Variants in SYN3 observed in about 807,000 individuals in gnomAD.
The protein encoded by SYN3 is synapsin III.
In SYN3, 35 loss-of-function variants were observed where a neutral mutation model predicts 65.8. The observed-to-expected ratio is 0.53, with a 90% confidence interval of 0.41 to 0.70. The LOEUF (loss-of-function observed/expected upper bound fraction) is 0.70. Ranked by LOEUF, SYN3 falls within the 30% of genes least tolerant of loss-of-function variation. SYN3 has a pLI of 0.00. For missense variants in SYN3, 680 were observed against 749.0 expected, an observed-to-expected ratio of 0.91 and a Z score of 1.08; for synonymous variants, 270 against 292.9, an observed-to-expected ratio of 0.92 and a Z score of 0.80.
intron 1 of SYN3, among the ~76,000 whole-genome samples, chr22:33,009,172 G>C (rs1368952886): frequency 6.6e-6 from 1 of 151,980 alleles, no homozygotes; most frequent in Non-Finnish European, 1.5e-5. Flanking sequence ...TGGGTCATGG[G>C]GTAAGTGTAT....
intron 1 of SYN3, among the ~76,000 whole-genome samples, chr22:33,046,092 T>TA (rs758026806): frequency 2.0e-5 from 3 of 151,640 alleles, no homozygotes; most frequent in Non-Finnish European, 4.4e-5. Flanking sequence ...CTTGAAAAGA[T>TA]ATTCAACATA....
rs905626216 is a variant in SYN3 at position 32,802,146 on chromosome 22, C to T, written c.711+62769G>A. On this transcript the variant is annotated intron_variant, in intron 6 of 13. Coordinates refer to ENST00000358763, the MANE Select transcript of SYN3 (RefSeq NM_003490.4). ...CGGTAAGCGCTCCTGGTGCCCCGCC[C>T]GAGCCCCACGCTGCAGCCAGGACTG... is the stretch of plus-strand genomic sequence containing the variant. 1.7e-5 allele frequency: 26 copies of T among 1,570,802 alleles called. No individual in the cohort carries two copies. In the Admixed American group the frequency reaches 2.5e-4, roughly 15 times the overall value.
Position 32,950,373 on chromosome 22 carries a change from C to T in SYN3, c.370-18892G>A, listed in dbSNP as rs143743879. On this transcript the variant is annotated intron_variant, in intron 3 of 13. Coordinates refer to ENST00000358763, the MANE Select transcript of SYN3 (RefSeq NM_003490.4). ...ATTTGCTAGTGGGCAGGGTCATGGC[C>T]GGGGGTGATTCTGGCCTCCACATTC... Among the ~76,000 whole-genome samples the T allele has an allele frequency of 2.6e-3, 395 of 152,150 alleles. 2 individuals are homozygous for T. The highest frequency in any genetic ancestry group is 0.01 in the Middle Eastern group (3 of 294).
At chr22:33,043,075 A>G (rs770817550) in intron 1 of SYN3, among the ~76,000 whole-genome samples, 1 of 152,264 alleles carries the variant, frequency 6.6e-6, no homozygotes, top group African/African-American at 2.4e-5. Context: ...AAAAATCTTT[A>G]GAACATAAAA....
intron 6 of SYN3, among the ~76,000 whole-genome samples, chr22:32,730,048 C>T (rs1226587681): frequency 6.6e-6 from 1 of 152,174 alleles, no homozygotes; most frequent in African/African-American, 2.4e-5. Flanking sequence ...TTCATGAGGG[C>T]AATGTGCAGA....
intron 1 of SYN3, among the ~76,000 whole-genome samples, chr22:33,013,987 C>G (rs915673157): frequency 1.3e-5 from 2 of 151,580 alleles, no homozygotes; most frequent in African/African-American, 4.9e-5. Context: ...TCACTGCAGC[C>G]TCAACCTCCC....
intron 6 of SYN3, among the ~76,000 whole-genome samples, chr22:32,750,568 G>A (rs1216412090): frequency 6.6e-6 from 1 of 152,078 alleles, no homozygotes. Flanking sequence ...TTGTGGGATG[G>A]GGCCACTGGA....
At chr22:32,879,777 G>C (rs946893955) in intron 4 of SYN3, among the ~76,000 whole-genome samples, 1 of 152,216 alleles carries the variant, frequency 6.6e-6, no homozygotes, top group Non-Finnish European at 1.5e-5. Flanking sequence ...GTACTCAAGG[G>C]ATCCACATGG....
At chr22:32,868,320 G>A (rs1327507332) in intron 5 of SYN3, among the ~76,000 whole-genome samples, 1 of 150,344 alleles carries the variant, frequency 6.7e-6, no homozygotes, top group African/African-American at 2.4e-5. Flanking sequence ...TATTGTCACT[G>A]TATTATATAT....
rs1386455549 is a variant in SYN3 at position 32,814,337 on chromosome 22, AAGAGAAAGAAAG to A, written c.711+50566_711+50577del. Among the ~76,000 whole-genome samples, 4 of 25,910 alleles carry A rather than the reference AAGAGAAAGAAAG, an allele frequency of 1.5e-4. No individual in the cohort carries two copies. The East Asian group carries it at 6.3e-3, about 41-fold the overall frequency. 17.0% of individuals were successfully genotyped at this position (25,910 alleles called of 152,430 possible). On this transcript the variant is annotated intron_variant, in intron 6 of 13. Transcript: ENST00000358763. ...AGAGACAGAAAGAAAGAAAGAAAGA[AAGAGAAAGAAAG>A]AGAGAAAGAAAGAAAGAAAGAAAGA...
At chr22:32,699,939 G>A (rs1421427136) in intron 6 of SYN3, among the ~76,000 whole-genome samples, 4 of 152,092 alleles carry the variant, frequency 2.6e-5, no homozygotes, top group African/African-American at 7.2e-5. Flanking sequence ...TGAGGTCATC[G>A]AATCCAATCT....
chr22:32,875,047 C>A (rs558960807), intron 4 of SYN3, among the ~76,000 whole-genome samples: 1 of 152,308 alleles, frequency 6.6e-6, no homozygotes, highest in East Asian at 1.9e-4. Flanking sequence ...GGGTTTGAAT[C>A]GCCCATATGG....
In SYN3 at chr22:32,638,913, T is replaced by C. The variant is rs115293757; in HGVS notation, c.712-42177A>G. On this transcript the variant is annotated intron_variant, in intron 6 of 13. Transcript: ENST00000358763. ...CAAGGCCTGTGTTTAGAATGGTGTT[T>C]CCTAGGTTTTCTTCTAGGATCATAT... Among the ~76,000 whole-genome samples the C allele has an allele frequency of 5.6e-3, 847 of 152,282 alleles. 6 individuals carry two copies. Among genetic ancestry groups the C allele is most frequent in the African/African-American group, 0.019 (785 of 41,566 alleles).
intron 13 of SYN3, among the ~76,000 whole-genome samples, chr22:32,517,250 G>A (rs576340410): frequency 1.3e-5 from 2 of 152,294 alleles, no homozygotes; most frequent in South Asian, 4.1e-4. Flanking sequence ...TAACTCCCAA[G>A]GCTGGGCCTC....
At chr22:32,992,218 C>T (rs2052737496) in intron 2 of SYN3, among the ~76,000 whole-genome samples, 1 of 152,224 alleles carries the variant, frequency 6.6e-6, no homozygotes, top group African/African-American at 2.4e-5. Flanking sequence ...GACTTCAGGG[C>T]CGAGCCTCCC....
chr22:32,710,092 C>T (rs763599640), intron 6 of SYN3, among the ~76,000 whole-genome samples: 16 of 96,410 alleles, frequency 1.7e-4, no homozygotes, highest in African/African-American at 7.6e-4. Context: ...CACACACACA[C>T]ACACACATGT....
At chr22:33,028,370 C>G (rs750881552) in intron 1 of SYN3, among the ~76,000 whole-genome samples, 1 of 152,216 alleles carries the variant, frequency 6.6e-6, no homozygotes, top group Non-Finnish European at 1.5e-5. Context: ...AATGCTAATG[C>G]GCACCAGCTT....
rs141651943 is a variant in SYN3 at position 32,993,905 on chromosome 22, T to C, written c.311+12447A>G. 2.5e-3 allele frequency among the ~76,000 whole-genome samples: 386 copies of C among 152,164 alleles called. 3 individuals carry two copies. The highest frequency in any genetic ancestry group is 0.014 in the Middle Eastern group (4 of 294). ...TAGGAAGAAACAGCACCCATCAGAT[T>C]TCTCCCCACACTCTCTTCTGCTCAA... is the stretch of plus-strand genomic sequence containing the variant. On this transcript the variant is annotated intron_variant, in intron 2 of 13. Transcript: ENST00000358763.
At chr22:32,666,523 T>C (rs901916120) in intron 6 of SYN3, among the ~76,000 whole-genome samples, 135 of 152,250 alleles carry the variant, frequency 8.9e-4, no homozygotes, top group African/African-American at 3.0e-3. Flanking sequence ...GCCCTCTCCC[T>C]GGAATGCTCT....
Sources: gnomAD v4.1 joint callset for allele counts (sites outside exome capture counted in the v4.1 genomes callset) on GRCh38, gnomAD v4.1.1 for gene constraint, MANE v1.5 for transcripts, NCBI Gene and HGNC (gene_info 2026-07-23, HGNC 2026-07-21) for gene names.